GABRB1: variants seen among roughly 807,000 people sequenced by gnomAD.
GABRB1 encodes gamma-aminobutyric acid receptor subunit beta-1.
In GABRB1, 17 loss-of-function variants were observed where a neutral mutation model predicts 51.6. That is an observed-to-expected ratio of 0.33 (90% CI 0.23 to 0.49). The LOEUF (loss-of-function observed/expected upper bound fraction) is 0.49. GABRB1 is among the 20% of genes least tolerant of loss of function. The pLI is 0.99. For synonymous variants in GABRB1, 247 were observed against 218.9 expected, an observed-to-expected ratio of 1.13 and a Z score of -1.14; for missense variants, 410 against 600.6, an observed-to-expected ratio of 0.68 and a Z score of 3.32.
At chr4:47,408,313 T>C (rs1165243288) in intron 8 of GABRB1, among the ~76,000 whole-genome samples, 1 of 152,166 alleles carries the variant, frequency 6.6e-6, no homozygotes, top group African/African-American at 2.4e-5. Flanking sequence ...GTTTAAATAC[T>C]GAGAGAAGAC....
chr4:47,144,572 G>A (rs1466219899), intron 3 of GABRB1, among the ~76,000 whole-genome samples: 1 of 151,922 alleles, frequency 6.6e-6, no homozygotes, highest in Non-Finnish European at 1.5e-5. Context: ...GCTGTGTTAA[G>A]CTCTTTATTA....
At chr4:47,113,175 C>T (rs1297290954) in intron 3 of GABRB1, among the ~76,000 whole-genome samples, 4 of 151,984 alleles carry the variant, frequency 2.6e-5, no homozygotes, top group African/African-American at 9.7e-5. Context: ...CACCAGAAGT[C>T]GAGAGTTCGA....
At chr4:47,036,677 CAT>C (rs1725584051) in intron 3 of GABRB1, among the ~76,000 whole-genome samples, 1 of 152,028 alleles carries the variant, frequency 6.6e-6, no homozygotes. Flanking sequence ...GCCTGGCCAA[CAT>C]GGTGAAACCC....
chr4:47,263,055 A>AG (rs746238668), intron 4 of GABRB1, among the ~76,000 whole-genome samples: 626 of 52,024 alleles, frequency 0.012, 10 homozygotes, highest in East Asian at 0.03. Context: ...GGGTGGGGGG[A>AG]GGGGGGAGGG....
intron 4 of GABRB1, among the ~76,000 whole-genome samples, chr4:47,183,345 CATATAT>C (rs57840134): frequency 0.31 from 38,812 of 124,312 alleles, 5,973 homozygotes; most frequent in East Asian, 0.43. Context: ...TGTGTGTGTG[CATATAT>C]ATATATATAT....
intron 4 of GABRB1, among the ~76,000 whole-genome samples, chr4:47,295,518 A>C (rs1723945119): frequency 6.6e-6 from 1 of 152,198 alleles, no homozygotes; most frequent in African/African-American, 2.4e-5. Flanking sequence ...GTGATGGAAG[A>C]TGAAATGAAT....
At chr4:46,998,473 G>A (rs1483774552) in intron 1 of GABRB1, among the ~76,000 whole-genome samples, 4 of 151,930 alleles carry the variant, frequency 2.6e-5, no homozygotes, top group Non-Finnish European at 5.9e-5. Context: ...TAGCTCACGT[G>A]TGTAATCCCA....
chr4:47,059,161 T>C (rs956585407), intron 3 of GABRB1, among the ~76,000 whole-genome samples: 4 of 152,296 alleles, frequency 2.6e-5, no homozygotes, highest in African/African-American at 9.6e-5. Context: ...AACTTCTCTA[T>C]ACTATGGATT....
rs529261763 is a variant in GABRB1, at chr4:47,412,591, G to A, written c.1080+5665G>A. Among the ~76,000 whole-genome samples, 9 of 152,226 alleles carry A rather than the reference G, an allele frequency of 5.9e-5. 1 individual carries two copies. In the South Asian group the frequency reaches 1.9e-3, roughly 32 times the overall value. On this transcript the variant is annotated intron_variant, in intron 8 of 8. Transcript: ENST00000295454. ...GCATTATGGCTAAGATTTTGAAATG[G>A]CACTGTTCGTCTGGGAGTAACGCCC...
At chr4:47,398,900 C>T (rs1244456966) in intron 5 of GABRB1, among the ~76,000 whole-genome samples, 1 of 152,226 alleles carries the variant, frequency 6.6e-6, no homozygotes, top group Non-Finnish European at 1.5e-5. Context: ...ACGCCATTCT[C>T]CCGCCTCAGC....
At chr4:47,420,943 A>AACACACAC (rs71654875) in intron 8 of GABRB1, among the ~76,000 whole-genome samples, 3,301 of 140,958 alleles carry the variant, frequency 0.023, 71 homozygotes, top group African/African-American at 0.069. Flanking sequence ...TACACACACA[A>AACACACAC]ACACACACAC....
At chr4:47,002,465 C>A (rs1416372273) in intron 1 of GABRB1, among the ~76,000 whole-genome samples, 3 of 151,938 alleles carry the variant, frequency 2.0e-5, no homozygotes, top group African/African-American at 7.3e-5. Flanking sequence ...ACAAATTAAA[C>A]CTAAAGAATG....
At chr4:47,087,268 C>T (rs1036288695) in intron 3 of GABRB1, among the ~76,000 whole-genome samples, 2 of 113,752 alleles carry the variant, frequency 1.8e-5, no homozygotes, top group African/African-American at 3.3e-5. Context: ...CAATAAAATA[C>T]GGTAGCATTA....
intron 1 of GABRB1, among the ~76,000 whole-genome samples, chr4:47,016,979 T>A (rs1440061090): frequency 4.6e-5 from 7 of 152,230 alleles, no homozygotes; most frequent in Non-Finnish European, 1.0e-4. Context: ...ATATCCAACC[T>A]GTTATAATTA....
intron 4 of GABRB1, among the ~76,000 whole-genome samples, chr4:47,295,227 C>T (rs1474016355): frequency 6.6e-6 from 1 of 152,208 alleles, no homozygotes; most frequent in African/African-American, 2.4e-5. Context: ...GAATGCAGTT[C>T]CTCACCAGCA....
chr4:47,094,286 C>T (rs766033112), intron 3 of GABRB1, among the ~76,000 whole-genome samples: 57 of 140,182 alleles, frequency 4.1e-4, no homozygotes, highest in African/African-American at 1.4e-3. Context: ...AGTGCAGTGG[C>T]GTGATGTCAG....
chr4:47,224,280 T>A (rs967283451), intron 4 of GABRB1, among the ~76,000 whole-genome samples: 2 of 152,022 alleles, frequency 1.3e-5, no homozygotes, highest in Non-Finnish European at 2.9e-5. Flanking sequence ...AGGTGACTCC[T>A]ATGTTTACCT....
At chr4:47,194,408 A>G (rs1269146352) in intron 4 of GABRB1, among the ~76,000 whole-genome samples, 2 of 152,068 alleles carry the variant, frequency 1.3e-5, no homozygotes, top group African/African-American at 4.8e-5. Context: ...GCCTTTCCCA[A>G]CTGCCATTTC....
chr4:47,127,511 A>T (rs1244473280), intron 3 of GABRB1, among the ~76,000 whole-genome samples: 1 of 151,624 alleles, frequency 6.6e-6, no homozygotes, highest in Non-Finnish European at 1.5e-5. Flanking sequence ...CACCGCCACC[A>T]CCATATCTAG....
Sources: allele counts gnomAD v4.1 joint callset (sites outside exome capture counted in the v4.1 genomes callset), GRCh38; gene constraint gnomAD v4.1.1; transcripts MANE v1.5; gene names NCBI Gene and HGNC (gene_info 2026-07-23, HGNC 2026-07-21).